Variants in ATP6V1B1 observed in about 807,000 individuals in gnomAD.
The protein encoded by ATP6V1B1 is V-type proton ATPase subunit B, kidney isoform.
ATP6V1B1 carries 41 observed loss-of-function variants against 62.1 expected under a neutral mutation model. The ratio of observed to expected loss-of-function variants is 0.66; its 90% CI spans 0.51 to 0.86. The LOEUF (loss-of-function observed/expected upper bound fraction) is 0.86. ATP6V1B1 is among the 40% of genes least tolerant of loss of function. The pLI is 0.00. For missense variants in ATP6V1B1, 651 were observed against 697.5 expected (o/e 0.93, Z 0.75); for synonymous variants, 253 against 273.4 (o/e 0.93, Z 0.74).
intron 2 of ATP6V1B1, chr2:70,947,711 T>C (rs1456837287): frequency 2.0e-5 from 3 of 152,254 alleles, no homozygotes; most frequent in African/African-American, 7.2e-5. Context: ...GAACTTCCAG[T>C]CCTCCGTGTG....
At position 70,963,477 on chromosome 2, in the gene ATP6V1B1, C is replaced by A; in HGVS notation, c.1061-95C>A. 3 of 1,530,730 alleles carry A rather than the reference C, an allele frequency of 2.0e-6. No individual in the cohort carries two copies. Among genetic ancestry groups the A allele is most frequent in the Non-Finnish European group, 2.7e-6 (3 of 1,107,666 alleles). 94.8% of individuals were successfully genotyped at this position (1,530,730 alleles called of 1,614,324 possible). On this transcript the variant is annotated intron_variant, in intron 10 of 13. Transcript: ENST00000234396. This position sits in a 1 kb window ranked among gnomAD's most constrained non-coding sequence, Gnocchi z 4.3. ...CACCATCCATGCCCCCCACACATCC[C>A]TATCACTCCCATGAGGGAAACAGAC...
In ATP6V1B1 at chr2:70,959,204, G is replaced by A. The variant is rs2104826593; in HGVS notation, c.445+109G>A. The stretch of plus-strand genomic sequence containing the variant: ...GCAGATCAGATGTGATGGGAGAGCA[G>A]CAAAGGCCTCTCTATCCCCAAATCT... On this transcript the variant is annotated intron_variant, in intron 5 of 13. Coordinates refer to ENST00000234396, the MANE Select transcript of ATP6V1B1 (RefSeq NM_001692.4). This position sits in a 1 kb window ranked among gnomAD's most constrained non-coding sequence, Gnocchi z 4.2. The A allele has an allele frequency of 2.5e-6, 3 of 1,193,458 alleles. No individual in the cohort carries two copies. Among genetic ancestry groups the A allele is most frequent in the East Asian group, 4.8e-5 (2 of 41,272 alleles). 73.9% of individuals were successfully genotyped at this position (1,193,458 alleles called of 1,614,324 possible). A position where few individuals can be genotyped will look rare whatever the true frequency, so the allele number is the denominator to read the frequency against.
At chr2:70,960,181 T>C in intron 6 of ATP6V1B1, 103 bp downstream of exon 6, 1 of 1,544,268 alleles carries the variant, frequency 6.5e-7, no homozygotes, top group Non-Finnish European at 8.8e-7. Flanking sequence ...AGGCAGGGGC[T>C]GGCAGGGCTG....
chr2:70,958,158 A>G lies in ATP6V1B1; in HGVS notation c.273+14A>G, dbSNP rs782424213. 2.5e-6 allele frequency: 4 copies of G among 1,613,002 alleles called. No homozygotes were observed. The highest frequency in any genetic ancestry group is 3.4e-6 in the Non-Finnish European group (4 of 1,179,280). On this transcript the variant is annotated intron_variant, in intron 3 of 13. Transcript: ENST00000234396. ...GCGATTGTTCAGGTGAGTGGGGTCA[A>G]TGGGACATTGGCTAGTTAAATCAAT...
intron 1 of ATP6V1B1, among the ~76,000 whole-genome samples, chr2:70,937,927 C>T (rs182572641): frequency 1.3e-5 from 2 of 152,220 alleles, no homozygotes; most frequent in Admixed American, 6.5e-5. Context: ...TGGCTGTGCC[C>T]GCCCCCCATG....
intron 1 of ATP6V1B1, chr2:70,940,334 T>G: frequency 2.9e-5 from 13 of 444,206 alleles, no homozygotes; most frequent in Non-Finnish European, 3.9e-5. Context: ...CCCCATCCCC[T>G]CCCACACCCC....
chr2:70,940,628 C>T lies in ATP6V1B1; in HGVS notation c.119-3030C>T, dbSNP rs550008358. On this transcript the variant is annotated intron_variant, in intron 1 of 13. Transcript: ENST00000234396. Reference sequence around the variant, plus strand: ...CAAGCCTCTGTCTCCTACCCTTTCTCGTTGAGGAGTCTTCCTATGCCCAAC... The same window carrying T: ...CAAGCCTCTGTCTCCTACCCTTTCTTGTTGAGGAGTCTTCCTATGCCCAAC... 51 of 985,418 alleles carry T rather than the reference C, an allele frequency of 5.2e-5. No individual in the cohort carries two copies. In the East Asian group the frequency reaches 3.1e-3, roughly 59 times the overall value. 61.0% of individuals were successfully genotyped at this position (985,418 alleles called of 1,614,324 possible). A position where few individuals can be genotyped will look rare whatever the true frequency, so the allele number is the denominator to read the frequency against.
intron 1 of ATP6V1B1, among the ~76,000 whole-genome samples, chr2:70,942,636 G>A (rs1453352120): frequency 3.9e-5 from 6 of 152,206 alleles, no homozygotes; most frequent in African/African-American, 1.4e-4. Flanking sequence ...CTCTGCTACA[G>A]ATGTGCTGTG....
At chr2:70,943,818 C>G in intron 2 of ATP6V1B1, 105 bp downstream of exon 2, 3 of 1,458,934 alleles carry the variant, frequency 2.1e-6, no homozygotes, top group Non-Finnish European at 2.8e-6. Flanking sequence ...CCATGGCCCC[C>G]AGGGCCTGCT....
rs1680623453 is a variant in ATP6V1B1, at chr2:70,962,833, A to G, written c.842A>G (p.Tyr281Cys). ...LALTTAEFLA[Y>C]QCEKHVLVIL... ...CTGACCACTGCTGAATTCCTTGCCTACCAGTGTGAGAAGCATGTGCTGGTC... is the reference window on the plus strand; with the variant it reads ...CTGACCACTGCTGAATTCCTTGCCTGCCAGTGTGAGAAGCATGTGCTGGTC... Residue 281 changes from tyrosine to cysteine, a missense_variant, in exon 9 of 14, where the codon TAC becomes TGC. Coordinates refer to ENST00000234396, the MANE Select transcript of ATP6V1B1 (RefSeq NM_001692.4). 2 of 1,614,004 alleles carry G rather than the reference A, an allele frequency of 1.2e-6. No individual in the cohort carries two copies. The highest frequency in any genetic ancestry group is 1.7e-6 in the Non-Finnish European group (2 of 1,180,024).
At chr2:70,944,806 C>T (rs1429711217) in intron 2 of ATP6V1B1, among the ~76,000 whole-genome samples, 1 of 152,034 alleles carries the variant, frequency 6.6e-6, no homozygotes, top group African/African-American at 2.4e-5. Context: ...GTAGCTGGGA[C>T]TACAGGCACC....
chr2:70,961,432 C>T (rs1350059077), intron 7 of ATP6V1B1, among the ~76,000 whole-genome samples, 164 bp from the exon 8 acceptor site: 1 of 152,194 alleles, frequency 6.6e-6, no homozygotes, highest in African/African-American at 2.4e-5. Flanking sequence ...AAACCCAGTG[C>T]CTGCCCTTTC....
Position 70,961,672 on chromosome 2 carries a change from T to G in ATP6V1B1, c.764T>G (p.Leu255Arg), listed in dbSNP as rs782549545. 8 of 1,614,214 alleles carry G rather than the reference T, an allele frequency of 5.0e-6. No homozygotes were observed. The highest frequency in any genetic ancestry group is 6.8e-6 in the Non-Finnish European group (8 of 1,180,018). Reference protein sequence around the residue: ...NGTMGNVCLFLNLANDPTIER... With the variant: ...NGTMGNVCLFRNLANDPTIER... ...ACCATGGGGAACGTCTGCCTCTTCC[T>G]GAACTTGGCCAATGACCCCACGTGA... Residue 255 changes from leucine (L) to arginine (R), a missense_variant, in exon 8 of 14, where the codon CTG (leucine) becomes CGG (arginine). Leu to Arg is a moderately radical substitution (Grantham distance 102). Transcript: ENST00000234396.
At chr2:70,961,753 AC>A (rs1680593455) in intron 8 of ATP6V1B1, 60 bp downstream of exon 8, 3 of 1,511,154 alleles carry the variant, frequency 2.0e-6, no homozygotes, top group Non-Finnish European at 2.8e-6. Context: ...CCCTTCCAAG[AC>A]CTACAGTACC....
At position 70,936,060 on chromosome 2, in the gene ATP6V1B1, C is replaced by T; in HGVS notation, c.106C>T (p.His36Tyr). Residue 36 changes from histidine (H) to tyrosine (Y), a missense_variant, in exon 1 of 14, where the codon CAC becomes TAC. Coordinates refer to ENST00000234396, the MANE Select transcript of ATP6V1B1 (RefSeq NM_001692.4). ...GGCGGTCACCCGAAACTACATCACCCACCCCCGTGTCAGTGAGTAGCCCCT... is the reference window on the plus strand; with the variant it reads ...GGCGGTCACCCGAAACTACATCACCTACCCCCGTGTCAGTGAGTAGCCCCT... ...MQAVTRNYIT[H>Y]PRVTYRTVCS... 2 of 1,614,038 alleles carry T rather than the reference C, an allele frequency of 1.2e-6. No individual in the cohort carries two copies. Among genetic ancestry groups the T allele is most frequent in the Non-Finnish European group, 1.7e-6 (2 of 1,179,946 alleles).
At chr2:70,945,549 C>T (rs1680137737) in intron 2 of ATP6V1B1, among the ~76,000 whole-genome samples, 1 of 151,684 alleles carries the variant, frequency 6.6e-6, no homozygotes, top group African/African-American at 2.4e-5. Context: ...ATAATAGACA[C>T]ACAATAATTG....
chr2:70,955,628 G>T (rs1373830405), intron 2 of ATP6V1B1, among the ~76,000 whole-genome samples: 1 of 151,914 alleles, frequency 6.6e-6, no homozygotes, highest in Non-Finnish European at 1.5e-5. Flanking sequence ...ATATTTTCAA[G>T]GTTCATTCAT....
intron 8 of ATP6V1B1, among the ~76,000 whole-genome samples, chr2:70,962,262 G>A (rs756613426): frequency 2.0e-5 from 3 of 152,174 alleles, no homozygotes; most frequent in Non-Finnish European, 4.4e-5. Flanking sequence ...GGCAAGCATA[G>A]GGACGAGCAC....
chr2:70,960,989 C>T lies in ATP6V1B1; in HGVS notation c.654C>T (p.Asp218=), dbSNP rs116139984. The T allele has an allele frequency of 5.5e-3, 8,752 of 1,602,596 alleles. 381 individuals are homozygous for T. The African/African-American group carries it at 0.1, about 18-fold the overall frequency. The change falls in exon 7 of 14, where the codon GAC becomes GAT. Residue 218 remains aspartate, a synonymous_variant. Coordinates refer to ENST00000234396, the MANE Select transcript of ATP6V1B1 (RefSeq NM_001692.4). ...CCAAGGCTGTGCTGGATTACCATGA[C>T]GACAACTTCGCCATCGTCTTTGCAG... ...KKSKAVLDYH[D]DNFAIVFAAM... is the part of the protein sequence containing the mutation.
Sources: gnomAD v4.1 joint callset for allele counts (sites outside exome capture counted in the v4.1 genomes callset) on GRCh38, gnomAD v4.1.1 for gene constraint, Gnocchi (gnomAD v3.1) non-coding constraint, MANE v1.5 for transcripts, NCBI Gene and HGNC (gene_info 2026-07-23, HGNC 2026-07-21) for gene names.